LRRTM4: variants seen among roughly 807,000 people sequenced by gnomAD.
LRRTM4 encodes leucine rich repeat transmembrane neuronal 4.
Under a neutral mutation model 47.6 loss-of-function variants are expected in LRRTM4, and 25 were observed. The ratio of observed to expected loss-of-function variants is 0.53; its 90% CI spans 0.38 to 0.73. The LOEUF is 0.73. Among genes scored for constraint, LRRTM4 ranks in the 30% least tolerant of loss-of-function variants. LRRTM4 has a pLI of 0.00. For missense variants in LRRTM4, 638 were observed against 713.4 expected (o/e 0.89, Z 1.20); for synonymous variants, 311 against 269.5 (o/e 1.15, Z -1.51).
chr2:77,327,190 G>T (rs1670807800), intron 3 of LRRTM4, among the ~76,000 whole-genome samples: 1 of 152,110 alleles, frequency 6.6e-6, no homozygotes, highest in African/African-American at 2.4e-5. Flanking sequence ...TACCTATTGT[G>T]GTACTAAAGT....
chr2:77,088,309 T>C (rs979642820), intron 3 of LRRTM4, among the ~76,000 whole-genome samples: 3 of 152,016 alleles, frequency 2.0e-5, no homozygotes, highest in African/African-American at 7.2e-5. Flanking sequence ...AACTTAAGAA[T>C]CACAAAAGAA....
intron 3 of LRRTM4, among the ~76,000 whole-genome samples, chr2:77,324,363 T>C (rs1670676639): frequency 6.6e-6 from 1 of 152,160 alleles, no homozygotes; most frequent in Non-Finnish European, 1.5e-5. Flanking sequence ...GGTAAGCTCA[T>C]ATGCACACAA....
At chr2:76,797,772 T>C (rs1232412915) in intron 3 of LRRTM4, among the ~76,000 whole-genome samples, 1 of 150,080 alleles carries the variant, frequency 6.7e-6, no homozygotes. Context: ...TGGGGGAAGA[T>C]CTACCAAGCC....
chr2:77,296,056 C>T (rs1011561156), intron 3 of LRRTM4, among the ~76,000 whole-genome samples: 3 of 152,030 alleles, frequency 2.0e-5, no homozygotes, highest in Non-Finnish European at 4.4e-5. Context: ...TCGTATAAAT[C>T]CTTAATTATT....
At chr2:76,917,546 G>A (rs1167922555) in intron 3 of LRRTM4, among the ~76,000 whole-genome samples, 1 of 152,034 alleles carries the variant, frequency 6.6e-6, no homozygotes, top group African/African-American at 2.4e-5. Context: ...CTTAATGTGC[G>A]TATATCACCA....
intron 3 of LRRTM4, among the ~76,000 whole-genome samples, chr2:77,254,478 G>A (rs1399850544): frequency 6.6e-6 from 1 of 151,808 alleles, no homozygotes; most frequent in Non-Finnish European, 1.5e-5. Flanking sequence ...ACAAACCTTG[G>A]AATATTAAGA....
chr2:77,033,046 C>A (rs1046668993), intron 3 of LRRTM4, among the ~76,000 whole-genome samples: 6 of 151,950 alleles, frequency 3.9e-5, no homozygotes, highest in African/African-American at 1.4e-4. Context: ...TCTCTCGGGA[C>A]AATCACAATC....
At chr2:76,790,139 T>G (rs1294433229) in intron 3 of LRRTM4, among the ~76,000 whole-genome samples, 1 of 152,140 alleles carries the variant, frequency 6.6e-6, no homozygotes, top group Non-Finnish European at 1.5e-5. Context: ...ACCAAAGCAG[T>G]TTTTCCCAGA....
chr2:76,936,993 T>G lies in LRRTM4; in HGVS notation c.1552-188077A>C, dbSNP rs567530716. On this transcript the variant is annotated intron_variant, in intron 3 of 3. Transcript: ENST00000409884. ...AAAAAAAAAAAAAAAAAAGAGCACA[T>G]AAGTATATGTGAAAACATATCATCT... Among the ~76,000 whole-genome samples, 5 of 82,086 alleles carry G rather than the reference T, an allele frequency of 6.1e-5. No individual in the cohort carries two copies. In the East Asian group the frequency reaches 2.0e-3, roughly 33 times the overall value. The allele number at this position is 82,086 out of a possible 152,430, so 53.9% of individuals were successfully genotyped here.
Position 77,457,046 on chromosome 2 carries a change from ATATATGTAT to A in LRRTM4, c.1551+61263_1551+61271del, listed in dbSNP as rs1558752128. Among the ~76,000 whole-genome samples the A allele has an allele frequency of 5.3e-3, 83 of 15,768 alleles. 2 individuals carry two copies. The highest frequency in any genetic ancestry group is 9.9e-3 in the Non-Finnish European group (63 of 6,386). 10.3% of individuals were successfully genotyped at this position (15,768 alleles called of 152,430 possible). ...TATATATATATATATATATATATAT[ATATATGTAT>A]AACCTGGAACTCTTTGACAAGCCTT... On this transcript the variant is annotated intron_variant, in intron 3 of 3. Transcript: ENST00000409884.
intron 3 of LRRTM4, among the ~76,000 whole-genome samples, chr2:77,107,762 G>A (rs1281844520): frequency 7.0e-6 from 1 of 142,264 alleles, no homozygotes; most frequent in African/African-American, 2.6e-5. Context: ...AGTTTGCAGT[G>A]AGCCAAGATC....
chr2:76,981,994 A>T (rs1421734015), intron 3 of LRRTM4, among the ~76,000 whole-genome samples: 1 of 152,036 alleles, frequency 6.6e-6, no homozygotes, highest in Non-Finnish European at 1.5e-5. Flanking sequence ...TTGCCCTTTG[A>T]TGCAAGGGGG....
chr2:77,175,452 C>A (rs569048681), intron 3 of LRRTM4, among the ~76,000 whole-genome samples: 1 of 152,224 alleles, frequency 6.6e-6, no homozygotes, highest in East Asian at 1.9e-4. Context: ...GCTCGTGGCT[C>A]TGGAATGTGT....
chr2:77,111,887 A>C (rs1201382942), intron 3 of LRRTM4, among the ~76,000 whole-genome samples: 1 of 152,204 alleles, frequency 6.6e-6, no homozygotes, highest in East Asian at 1.9e-4. Context: ...CAAACTTTCT[A>C]TCTGTGAAAT....
At chr2:76,893,899 A>G (rs563320353) in intron 3 of LRRTM4, among the ~76,000 whole-genome samples, 7 of 151,926 alleles carry the variant, frequency 4.6e-5, no homozygotes, top group Non-Finnish European at 8.8e-5. Flanking sequence ...TATGTTTAAC[A>G]TCAGGAGAAA....
rs1457956080 is a variant in LRRTM4 at position 76,799,543 on chromosome 2, A to G, written c.1552-50627T>C. On this transcript the variant is annotated intron_variant, in intron 3 of 3. Coordinates refer to ENST00000409884, the MANE Select transcript of LRRTM4 (RefSeq NM_001134745.3). ...AGCATTCCCTTTGAAAACTGGCACAAGACAGGGATGCCCTCTCTCACCACT... is the reference window on the plus strand; with the variant it reads ...AGCATTCCCTTTGAAAACTGGCACAGGACAGGGATGCCCTCTCTCACCACT... 1.4e-5 allele frequency among the ~76,000 whole-genome samples: 2 copies of G among 143,678 alleles called. 1 individual carries two copies. Among genetic ancestry groups the G allele is most frequent in the Non-Finnish European group, 3.1e-5 (2 of 65,238 alleles). The allele number at this position is 143,678 out of a possible 152,430, so 94.3% of individuals were successfully genotyped here.
At chr2:77,027,651 A>C (rs1289402173) in intron 3 of LRRTM4, among the ~76,000 whole-genome samples, 3 of 152,214 alleles carry the variant, frequency 2.0e-5, no homozygotes, top group Non-Finnish European at 4.4e-5. Flanking sequence ...AGAGCCTTCT[A>C]AACAACTGTA....
At chr2:77,348,531 G>T (rs1222867648) in intron 3 of LRRTM4, among the ~76,000 whole-genome samples, 1 of 149,692 alleles carries the variant, frequency 6.7e-6, no homozygotes, top group African/African-American at 2.4e-5. Context: ...AAAAATAATT[G>T]TCAAGTGAAA....
intron 3 of LRRTM4, among the ~76,000 whole-genome samples, chr2:77,369,830 T>C (rs113460770): frequency 0.025 from 3,726 of 151,778 alleles, 65 homozygotes; most frequent in Non-Finnish European, 0.038. Context: ...TAACAAATAC[T>C]GTAGGCAATT....
Sources: gnomAD v4.1 joint callset for allele counts (sites outside exome capture counted in the v4.1 genomes callset) on GRCh38, gnomAD v4.1.1 for gene constraint, MANE v1.5 for transcripts, NCBI Gene and HGNC (gene_info 2026-07-23, HGNC 2026-07-21) for gene names.